The following NFIB variants were observed in gnomAD, a reference collection of about 807,000 sequenced individuals.
NFIB encodes nuclear factor 1 B-type.
NFIB carries 11 observed loss-of-function variants against 61.5 expected under a neutral mutation model. The ratio of observed to expected loss-of-function variants is 0.18; its 90% CI spans 0.11 to 0.30. The LOEUF is 0.30. Ranked by LOEUF, NFIB falls within the 10% of genes least tolerant of loss-of-function variation. NFIB has a pLI of 1.00. For synonymous variants in NFIB, 260 were observed against 216.5 expected (o/e 1.20, Z -1.76); for missense variants, 471 against 608.9 (o/e 0.77, Z 2.38).
intron 2 of NFIB, among the ~76,000 whole-genome samples, chr9:14,290,033 G>A (rs2058986322): frequency 6.6e-6 from 1 of 152,014 alleles, no homozygotes; most frequent in Non-Finnish European, 1.5e-5. Context: ...GCCTGGGATT[G>A]TCTTATACCC....
intron 10 of NFIB, chr9:14,094,094 T>C (rs1214275391): frequency 6.6e-6 from 1 of 152,084 alleles, no homozygotes; most frequent in African/African-American, 2.4e-5. Context: ...GCCCAACTCG[T>C]ATTGCTATTA....
chr9:14,448,266 T>C, the NFIB span, among the ~76,000 whole-genome samples: 1 of 152,224 alleles, frequency 6.6e-6, no homozygotes, highest in Non-Finnish European at 1.5e-5. Flanking sequence ...TCTGTCTTAA[T>C]GTCCTCAATA....
Position 14,120,606 on chromosome 9 carries a change from G to A in NFIB, c.1079C>T (p.Pro360Leu). The A allele has an allele frequency of 1.2e-6, 2 of 1,609,844 alleles. No homozygotes were observed. The highest frequency in any genetic ancestry group is 1.7e-6 in the Non-Finnish European group (2 of 1,178,160). ...VAHSVISTRT[P>L]PPPSPLPFPT... ...AAATGGCAACGGTGAAGGTGGAGGT[G>A]GAGTTCGAGTTGAGATGACTGCAGA... Residue 360 changes from proline to leucine, a missense_variant, in exon 8 of 11, where the codon CCA (proline) becomes CTA (leucine). Pro to Leu is a moderately conservative substitution (Grantham distance 98). This residue lies in a region of NFIB where 372 missense variants were observed against 395.6 expected (regional missense o/e 0.94). Coordinates refer to ENST00000380953, the MANE Select transcript of NFIB (RefSeq NM_001190737.2). The surrounding 1 kb of genome is among the most constrained non-coding windows in gnomAD (Gnocchi z 4.4).
At chr9:14,219,447 G>A (rs906158718) in intron 2 of NFIB, among the ~76,000 whole-genome samples, 7 of 141,188 alleles carry the variant, frequency 5.0e-5, no homozygotes, top group Non-Finnish European at 1.1e-4. Flanking sequence ...GTAATTTAGG[G>A]TTACAATGTC....
At chr9:14,274,294 A>C (rs2057847164) in intron 2 of NFIB, among the ~76,000 whole-genome samples, 1 of 150,986 alleles carries the variant, frequency 6.6e-6, no homozygotes, top group African/African-American at 2.4e-5. Flanking sequence ...ACACACACGA[A>C]GACATCCATT....
the NFIB span, among the ~76,000 whole-genome samples, chr9:14,495,892 G>C: frequency 6.6e-6 from 1 of 152,126 alleles, no homozygotes; most frequent in African/African-American, 2.4e-5. Context: ...AGTGACTAAG[G>C]TTCTAGGATC....
chr9:14,401,200 C>G (rs569671741), upstream of NFIB, among the ~76,000 whole-genome samples: 2 of 152,268 alleles, frequency 1.3e-5, no homozygotes, highest in East Asian at 3.9e-4. Context: ...CATTGACAAC[C>G]TCAATAGCTT....
intron 7 of NFIB, among the ~76,000 whole-genome samples, chr9:14,123,936 C>A (rs111633553): frequency 4.6e-5 from 7 of 152,204 alleles, no homozygotes; most frequent in African/African-American, 1.7e-4. Context: ...TGAACTTTGC[C>A]ATCACACTTT....
intron 2 of NFIB, among the ~76,000 whole-genome samples, chr9:14,290,376 T>C (rs1437574877): frequency 6.6e-6 from 1 of 152,104 alleles, no homozygotes; most frequent in Non-Finnish European, 1.5e-5. Flanking sequence ...AGACCAAGTC[T>C]TCTGGAAAGC....
chr9:14,431,141 T>C, the NFIB span, among the ~76,000 whole-genome samples: 3 of 152,330 alleles, frequency 2.0e-5, no homozygotes, highest in East Asian at 5.8e-4. Flanking sequence ...CAATGTTGTG[T>C]TGGTTTTAGA....
the NFIB span, among the ~76,000 whole-genome samples, chr9:14,466,667 T>G: frequency 6.6e-6 from 1 of 152,208 alleles, no homozygotes; most frequent in Admixed American, 6.5e-5. Context: ...TTCTCCTCTC[T>G]TCTTTCTCCT....
chr9:14,215,582 T>C (rs2050771824), intron 2 of NFIB, among the ~76,000 whole-genome samples: 1 of 152,186 alleles, frequency 6.6e-6, no homozygotes, highest in African/African-American at 2.4e-5. Flanking sequence ...TTAAAAAAAC[T>C]ACTACTTAAA....
the NFIB span, among the ~76,000 whole-genome samples, chr9:14,431,106 GCTTTAA>G: frequency 6.6e-6 from 1 of 152,108 alleles, no homozygotes; most frequent in Non-Finnish European, 1.5e-5. Flanking sequence ...CATAACTTGG[GCTTTAA>G]CATTTCTGAA....
At chr9:14,392,433 T>A (rs1022221316) in intron 1 of NFIB, among the ~76,000 whole-genome samples, 1 of 152,176 alleles carries the variant, frequency 6.6e-6, no homozygotes, top group Non-Finnish European at 1.5e-5. Flanking sequence ...TATTCTAACA[T>A]AAAAAGATTA....
the NFIB span, among the ~76,000 whole-genome samples, chr9:14,447,616 G>A: frequency 6.6e-6 from 1 of 152,248 alleles, no homozygotes; most frequent in East Asian, 1.9e-4. Flanking sequence ...ACCATTAAAA[G>A]CAGTATATTT....
chr9:14,491,489 AG>A, the NFIB span, among the ~76,000 whole-genome samples: 1 of 152,228 alleles, frequency 6.6e-6, no homozygotes. Context: ...AATGTGGGCA[AG>A]ACAGACAGTA....
chr9:14,416,669 G>A, the NFIB span, among the ~76,000 whole-genome samples: 271 of 152,106 alleles, frequency 1.8e-3, 2 homozygotes, highest in African/African-American at 6.2e-3. Flanking sequence ...GGGTAAAAAT[G>A]TTACAAGTAA....
At chr9:14,383,516 A>G (rs574400053) in intron 1 of NFIB, among the ~76,000 whole-genome samples, 1 of 152,350 alleles carries the variant, frequency 6.6e-6, no homozygotes, top group South Asian at 2.1e-4. Flanking sequence ...GGGTAAAAAT[A>G]TAAAGAGAAA....
At chr9:14,459,149 G>A in the NFIB span, among the ~76,000 whole-genome samples, 25 of 152,156 alleles carry the variant, frequency 1.6e-4, no homozygotes, top group African/African-American at 6.0e-4. Flanking sequence ...AAACAGCATG[G>A]TACTGGTACC....
Sources: allele counts gnomAD v4.1 joint callset (sites outside exome capture counted in the v4.1 genomes callset), GRCh38; gene constraint gnomAD v4.1.1; regional missense constraint gnomAD v4.1.1; non-coding constraint Gnocchi (gnomAD v3.1); transcripts MANE v1.5; gene names NCBI Gene and HGNC (gene_info 2026-07-23, HGNC 2026-07-21).